The following SLCO3A1 variants were observed in gnomAD, a reference collection of about 807,000 sequenced individuals.
The protein encoded by SLCO3A1 is solute carrier organic anion transporter family member 3A1.
In SLCO3A1, 27 loss-of-function variants were observed where a neutral mutation model predicts 63.1. That is an observed-to-expected ratio of 0.43 (90% CI 0.32 to 0.59). The LOEUF is 0.59. Among genes scored for constraint, SLCO3A1 ranks in the 20% least tolerant of loss-of-function variants. The pLI, the probability that SLCO3A1 is intolerant of heterozygous loss-of-function variation, is 0.09. For synonymous variants in SLCO3A1, 473 were observed against 409.9 expected, an observed-to-expected ratio of 1.15 and a Z score of -1.86; for missense variants, 773 against 945.8, an observed-to-expected ratio of 0.82 and a Z score of 2.40.
intron 9 of SLCO3A1, among the ~76,000 whole-genome samples, chr15:92,160,274 A>G (rs2048420044): frequency 6.6e-6 from 1 of 152,190 alleles, no homozygotes; most frequent in Non-Finnish European, 1.5e-5. Flanking sequence ...GTCCATCTGT[A>G]ATACACACTG....
intron 3 of SLCO3A1, among the ~76,000 whole-genome samples, chr15:92,101,282 G>A (rs1218731717): frequency 6.6e-6 from 1 of 152,164 alleles, no homozygotes; most frequent in East Asian, 1.9e-4. Context: ...GCCAACGCGG[G>A]TGGATCACCT....
intron 7 of SLCO3A1, among the ~76,000 whole-genome samples, chr15:92,138,071 A>T (rs1167993611): frequency 9.0e-6 from 1 of 110,690 alleles, no homozygotes; most frequent in Non-Finnish European, 1.7e-5. Flanking sequence ...CTGAATGGTA[A>T]TGCCTAGGTT....
At chr15:92,118,155 A>C (rs952022607) in intron 4 of SLCO3A1, among the ~76,000 whole-genome samples, 2 of 152,196 alleles carry the variant, frequency 1.3e-5, no homozygotes, top group Non-Finnish European at 2.9e-5. Flanking sequence ...TTGTTTTCTT[A>C]TTATCTTTAT....
Position 92,008,064 on chromosome 15 carries a change from A to C in SLCO3A1, c.647-86817A>C, listed in dbSNP as rs562405712. Among the ~76,000 whole-genome samples, 3 of 152,318 alleles carry C rather than the reference A, an allele frequency of 2.0e-5. No homozygotes were observed. In the East Asian group the frequency reaches 5.8e-4, roughly 29 times the overall value. ...TCGGCTCGGTAAACAGGAGGACCCA[A>C]TCACAGGTGCCATTGCTTGAATGAA... is the stretch of plus-strand genomic sequence containing the variant. On this transcript the variant is annotated intron_variant, in intron 2 of 9. Coordinates refer to ENST00000318445, the MANE Select transcript of SLCO3A1 (RefSeq NM_013272.4).
chr15:92,154,957 G>A (rs2048353415), intron 9 of SLCO3A1, among the ~76,000 whole-genome samples: 1 of 152,208 alleles, frequency 6.6e-6, no homozygotes, highest in South Asian at 2.1e-4. Flanking sequence ...TGGAAGTGGA[G>A]CAGTTCTGAC....
intron 1 of SLCO3A1, among the ~76,000 whole-genome samples, chr15:91,895,854 A>G (rs936984213): frequency 1.3e-5 from 2 of 152,238 alleles, no homozygotes; most frequent in African/African-American, 4.8e-5. Flanking sequence ...TTCACTTCTA[A>G]TAAATGCAAA....
At chr15:91,998,955 C>T (rs2046222554) in intron 2 of SLCO3A1, among the ~76,000 whole-genome samples, 1 of 152,192 alleles carries the variant, frequency 6.6e-6, no homozygotes, top group East Asian at 1.9e-4. Flanking sequence ...ACCGAGCAGC[C>T]GTTAGAAGGA....
chr15:92,146,779 T>C (rs1012902085), intron 7 of SLCO3A1, among the ~76,000 whole-genome samples: 1 of 152,006 alleles, frequency 6.6e-6, no homozygotes, highest in Non-Finnish European at 1.5e-5. Context: ...GACAGAGAAA[T>C]CAGCTCTCCT....
chr15:92,157,752 G>A lies in SLCO3A1; in HGVS notation c.1754-5004G>A, dbSNP rs572674289. Among the ~76,000 whole-genome samples the A allele has an allele frequency of 1.4e-4, 21 of 152,272 alleles. No individual in the cohort carries two copies. In the East Asian group the frequency reaches 2.7e-3, roughly 20 times the overall value. On this transcript the variant is annotated intron_variant, in intron 9 of 9. Coordinates refer to ENST00000318445, the MANE Select transcript of SLCO3A1 (RefSeq NM_013272.4). ...TTTACCCAAAAGAGTTCCTGAACAC[G>A]GAACAAAAGCCAAACAGCAGCAAGG...
chr15:92,043,282 T>C (rs2046820579), intron 2 of SLCO3A1, among the ~76,000 whole-genome samples: 1 of 152,206 alleles, frequency 6.6e-6, no homozygotes, highest in African/African-American at 2.4e-5. Context: ...ACAGATTTCA[T>C]GGACGGCATT....
At chr15:91,934,718 G>C (rs1899347605) in intron 2 of SLCO3A1, among the ~76,000 whole-genome samples, 1 of 152,204 alleles carries the variant, frequency 6.6e-6, no homozygotes, top group South Asian at 2.1e-4. Flanking sequence ...AGGTTGACAA[G>C]CATTGATGAA....
intron 2 of SLCO3A1, among the ~76,000 whole-genome samples, chr15:92,008,997 TTTGTAGAG>T (rs2046341339): frequency 6.6e-6 from 1 of 152,234 alleles, no homozygotes; most frequent in African/African-American, 2.4e-5. Flanking sequence ...GATGGAGTCA[TTTGTAGAG>T]AGAATGAAAA....
chr15:91,967,821 A>G lies in SLCO3A1; in HGVS notation c.646+51363A>G, dbSNP rs78476563. Among the ~76,000 whole-genome samples, 5,989 of 152,196 alleles carry G rather than the reference A, an allele frequency of 0.039. 256 individuals carry two copies. The highest frequency in any genetic ancestry group is 0.1 in the African/African-American group (4,330 of 41,514). ...CAGGACTAAAGGTCAAGGTCACTTC[A>G]GTGTTCTCCCAAATCCCGCTGGCAT... On this transcript the variant is annotated intron_variant, in intron 2 of 9. Transcript: ENST00000318445. The surrounding 1 kb of genome is among the most constrained non-coding windows in gnomAD (Gnocchi z 4.4).
At chr15:92,166,172 G>A (rs2048492418), downstream of SLCO3A1, among the ~76,000 whole-genome samples, 1 of 152,204 alleles carries the variant, frequency 6.6e-6, no homozygotes, top group South Asian at 2.1e-4. Flanking sequence ...GAGGCTGTGT[G>A]CTCTCAGGGA....
At chr15:91,874,725 T>C (rs1259455739) in intron 1 of SLCO3A1, among the ~76,000 whole-genome samples, 2 of 152,256 alleles carry the variant, frequency 1.3e-5, no homozygotes, top group African/African-American at 4.8e-5. Flanking sequence ...TCATCTGGAA[T>C]AATTTCCCCA....
intron 2 of SLCO3A1, among the ~76,000 whole-genome samples, chr15:92,043,667 C>G (rs552892842): frequency 2.0e-5 from 3 of 152,328 alleles, no homozygotes; most frequent in Admixed American, 2.0e-4. Context: ...CACCAGGTTC[C>G]TGGTTCACAT....
chr15:92,124,850 G>T (rs1050883434), intron 5 of SLCO3A1, among the ~76,000 whole-genome samples: 1 of 152,158 alleles, frequency 6.6e-6, no homozygotes, highest in South Asian at 2.1e-4. Flanking sequence ...GGAACTGCAC[G>T]TGCAAAGCCT....
chr15:92,153,354 C>G (rs999783840), intron 9 of SLCO3A1: 2 of 152,198 alleles, frequency 1.3e-5, no homozygotes, highest in Admixed American at 6.5e-5. Flanking sequence ...GTGACCCACC[C>G]TATTGATTTT....
In SLCO3A1 at chr15:92,026,078, G is replaced by T. The variant is rs573822484; in HGVS notation, c.647-68803G>T. Among the ~76,000 whole-genome samples, 4 of 152,314 alleles carry T rather than the reference G, an allele frequency of 2.6e-5. No individual in the cohort carries two copies. In the South Asian group the frequency reaches 8.3e-4, roughly 32 times the overall value. ...TGTGCAGCAGGGAGGCTTTGGTGCA[G>T]TTCTTTACCCTGCACGTGTCCAAGC... On this transcript the variant is annotated intron_variant, in intron 2 of 9. Coordinates refer to ENST00000318445, the MANE Select transcript of SLCO3A1 (RefSeq NM_013272.4).
Sources: allele counts gnomAD v4.1 joint callset (sites outside exome capture counted in the v4.1 genomes callset), GRCh38; gene constraint gnomAD v4.1.1; non-coding constraint Gnocchi (gnomAD v3.1); transcripts MANE v1.5; gene names NCBI Gene and HGNC (gene_info 2026-07-23, HGNC 2026-07-21).